The following BLOC1S5 variants were observed in gnomAD, a reference collection of about 807,000 sequenced individuals.
BLOC1S5 encodes the protein biogenesis of lysosome-related organelles complex 1 subunit 5.
Under a neutral mutation model 24.3 loss-of-function variants are expected in BLOC1S5, and 27 were observed. The observed-to-expected ratio is 1.11, with a 90% confidence interval of 0.82 to 1.53. BLOC1S5 has a LOEUF of 1.53. Ranked by LOEUF, BLOC1S5 falls within the 40% of genes most tolerant of loss-of-function variation. BLOC1S5 has a pLI of 0.00. For synonymous variants in BLOC1S5, 84 were observed against 74.5 expected (o/e 1.13, Z -0.66); for missense variants, 239 against 229.4 (o/e 1.04, Z -0.27).
intron 3 of BLOC1S5, among the ~76,000 whole-genome samples, chr6:8,038,395 T>A (rs539568539): frequency 3.3e-5 from 5 of 150,018 alleles, no homozygotes; most frequent in African/African-American, 1.2e-4. Context: ...CCAACAGGAA[T>A]ATGAAAAAAG....
At chr6:8,028,159 C>A (rs1763172187) in intron 3 of BLOC1S5, among the ~76,000 whole-genome samples, 1 of 152,098 alleles carries the variant, frequency 6.6e-6, no homozygotes, top group African/African-American at 2.4e-5. Flanking sequence ...AACTAGGTCA[C>A]AAGTTCCACA....
intron 3 of BLOC1S5, among the ~76,000 whole-genome samples, chr6:8,031,242 C>G (rs1156523450): frequency 6.6e-6 from 1 of 152,154 alleles, no homozygotes; most frequent in African/African-American, 2.4e-5. Flanking sequence ...TAAGACTCAT[C>G]CAAAAAGCTC....
At chr6:8,020,266 C>T (rs1213736976) in intron 4 of BLOC1S5, among the ~76,000 whole-genome samples, 1 of 152,228 alleles carries the variant, frequency 6.6e-6, no homozygotes, top group Non-Finnish European at 1.5e-5. Flanking sequence ...CCCCTCAATA[C>T]TGCTGACCTC....
chr6:8,021,804 A>G (rs1206087174), intron 4 of BLOC1S5, among the ~76,000 whole-genome samples: 3 of 152,182 alleles, frequency 2.0e-5, no homozygotes, highest in Non-Finnish European at 4.4e-5. Flanking sequence ...AATGAAATCA[A>G]TTGCACTCTT....
At chr6:8,063,715 G>A (rs1051929769) in intron 1 of BLOC1S5, among the ~76,000 whole-genome samples, 1 of 152,214 alleles carries the variant, frequency 6.6e-6, no homozygotes, top group African/African-American at 2.4e-5. Context: ...ACCTAAAGCA[G>A]ATTCTGTGAG....
At chr6:8,019,127 G>A (rs1314511193) in intron 4 of BLOC1S5, among the ~76,000 whole-genome samples, 3 of 152,222 alleles carry the variant, frequency 2.0e-5, no homozygotes, top group East Asian at 3.8e-4. Flanking sequence ...CTTGTAGGCC[G>A]AGTGAAAATA....
chr6:8,044,644 C>T (rs1763814342), intron 2 of BLOC1S5, among the ~76,000 whole-genome samples: 1 of 152,144 alleles, frequency 6.6e-6, no homozygotes, highest in Non-Finnish European at 1.5e-5. Context: ...CAATAAGGTC[C>T]AGGCTGAGGT....
intron 2 of BLOC1S5, among the ~76,000 whole-genome samples, chr6:8,051,086 G>T (rs1764090923): frequency 6.6e-6 from 1 of 151,890 alleles, no homozygotes; most frequent in Admixed American, 6.6e-5. Flanking sequence ...TACTCAGGAG[G>T]CTGAGGCAGG....
Position 8,015,555 on chromosome 6 carries a change from G to T in BLOC1S5, c.*94C>A. On this transcript the variant is annotated 3_prime_UTR_variant, in exon 5 of 5. Coordinates refer to ENST00000397457, the MANE Select transcript of BLOC1S5 (RefSeq NM_201280.3). ...AGAGTGCCACTGAATATATTGCTAA[G>T]CTTGAAGCAGAGGCTAAACGGTCTG... is the stretch of plus-strand genomic sequence containing the variant. 2 of 1,269,370 alleles carry T rather than the reference G, an allele frequency of 1.6e-6. No homozygotes were observed. Among genetic ancestry groups the T allele is most frequent in the Non-Finnish European group, 1.1e-6 (1 of 917,394 alleles). The allele number at this position is 1,269,370 out of a possible 1,614,324, so 78.6% of individuals were successfully genotyped here.
At chr6:8,030,148 CAA>C (rs1216547489) in intron 3 of BLOC1S5, among the ~76,000 whole-genome samples, 3 of 152,096 alleles carry the variant, frequency 2.0e-5, no homozygotes, top group Non-Finnish European at 2.9e-5. Flanking sequence ...AGAAATTTAA[CAA>C]AGAGATTAGA....
Position 8,041,184 on chromosome 6 carries a change from AT to A in BLOC1S5, c.279del (p.Lys93AsnfsTer42). On this transcript the variant is annotated frameshift_variant, in exon 3 of 5. Transcript: ENST00000397457. LOFTEE classifies it high-confidence loss of function. Reference sequence around the variant, plus strand: ...AGGCTGTCCCGCATTGTGTCTCTACATTTGGGAAGAGTATGTTCATTTGTTT... The same window carrying A: ...AGGCTGTCCCGCATTGTGTCTCTACATTGGGAAGAGTATGTTCATTTGTTT... ...IHETNEHTLPKCRDTMRDSLS... is the reference protein window; with the variant it reads ...IHETNEHTLPXCRDTMRDSLS... The A allele has an allele frequency of 6.2e-7, 1 of 1,612,640 alleles. No homozygotes were observed. Among genetic ancestry groups the A allele is most frequent in the Non-Finnish European group, 8.5e-7 (1 of 1,179,438 alleles).
chr6:8,043,152 G>A (rs1005802204), intron 2 of BLOC1S5, among the ~76,000 whole-genome samples: 3 of 152,070 alleles, frequency 2.0e-5, no homozygotes, highest in Admixed American at 6.5e-5. Context: ...TAGGAACCCC[G>A]AAAACATCTC....
Position 8,013,891 on chromosome 6 carries a change from C to T in BLOC1S5, c.*1758G>A, listed in dbSNP as rs1762655891. On this transcript the variant is annotated 3_prime_UTR_variant, in exon 5 of 5. Coordinates refer to ENST00000397457, the MANE Select transcript of BLOC1S5 (RefSeq NM_201280.3). ...GTGCGCTTTTTAGTCCAGGTACCAG[C>T]AAATGATTGATGAGCCTGTCAAGCC... The T allele has an allele frequency of 6.6e-6, 1 of 152,094 alleles. No individual in the cohort carries two copies. The highest frequency in any genetic ancestry group is 2.4e-5 in the African/African-American group (1 of 41,400). The allele number at this position is 152,094 out of a possible 1,614,324, so 9.4% of individuals were successfully genotyped here.
intron 2 of BLOC1S5, among the ~76,000 whole-genome samples, chr6:8,047,160 T>TCTCTCTCTCTCACA (rs1475934039): frequency 7.9e-6 from 1 of 126,918 alleles, no homozygotes; most frequent in African/African-American, 3.2e-5. Context: ...TCTCTCTCTC[T>TCTCTCTCTCTCACA]CACACACACA....
intron 2 of BLOC1S5, among the ~76,000 whole-genome samples, chr6:8,053,699 T>C (rs1271044707): frequency 6.6e-6 from 1 of 152,224 alleles, no homozygotes; most frequent in African/African-American, 2.4e-5. Flanking sequence ...TTCTGAAATA[T>C]ACCAATATAT....
intron 4 of BLOC1S5, among the ~76,000 whole-genome samples, chr6:8,022,536 T>C (rs1012222673): frequency 3.3e-5 from 5 of 151,760 alleles, no homozygotes; most frequent in African/African-American, 1.2e-4. Flanking sequence ...TAGAACAATA[T>C]GTACCTATAT....
chr6:8,051,876 T>C (rs982588188), intron 2 of BLOC1S5, among the ~76,000 whole-genome samples: 1 of 151,838 alleles, frequency 6.6e-6, no homozygotes, highest in Non-Finnish European at 1.5e-5. Flanking sequence ...CCTCTCAAAA[T>C]ATCACTGCTC....
chr6:8,041,146 G>A lies in BLOC1S5; in HGVS notation c.318C>T (p.Leu106=), dbSNP rs758583864. ...AAAGAATTGCTGACTCACATCTCTG[G>A]AGAACCTGGCTGAGGCTGTCCCGCA... ...DTMRDSLSQV[L]QRLQAANDSV... Residue 106 remains leucine (L), a synonymous_variant, in exon 3 of 5, where the codon CTC becomes CTT. Coordinates refer to ENST00000397457, the MANE Select transcript of BLOC1S5 (RefSeq NM_201280.3). 1 of 1,584,468 alleles carries A rather than the reference G, an allele frequency of 6.3e-7. No homozygotes were observed.
intron 2 of BLOC1S5, among the ~76,000 whole-genome samples, chr6:8,046,229 C>T (rs1763894739): frequency 6.6e-6 from 1 of 152,148 alleles, no homozygotes; most frequent in African/African-American, 2.4e-5. Flanking sequence ...TCACTTGCTG[C>T]CACCATGTAA....
Sources: allele counts gnomAD v4.1 joint callset (sites outside exome capture counted in the v4.1 genomes callset), GRCh38; gene constraint gnomAD v4.1.1; transcripts MANE v1.5; gene names NCBI Gene and HGNC (gene_info 2026-07-23, HGNC 2026-07-21).